KHDC1: variants seen among roughly 807,000 people sequenced by gnomAD.
The protein encoded by KHDC1 is KH domain containing 1.
In KHDC1, 21 loss-of-function variants were observed where a neutral mutation model predicts 24.7. That is an observed-to-expected ratio of 0.85 (90% CI 0.60 to 1.23). The LOEUF (loss-of-function observed/expected upper bound fraction) is 1.23. KHDC1 is among the 50% of genes most tolerant of loss of function. The pLI is 0.00. For synonymous variants in KHDC1, 98 were observed against 111.7 expected (o/e 0.88, Z 0.77); for missense variants, 274 against 298.5 (o/e 0.92, Z 0.61).
At chr6:73,256,909 T>C (rs1052232735) in intron 2 of KHDC1, among the ~76,000 whole-genome samples, 2 of 152,216 alleles carry the variant, frequency 1.3e-5, no homozygotes, top group Non-Finnish European at 2.9e-5. Context: ...AAGTAAGTTA[T>C]CTAGAGGTGC....
intron 2 of KHDC1, among the ~76,000 whole-genome samples, chr6:73,281,574 G>A (rs191548915): frequency 8.8e-4 from 130 of 147,084 alleles, no homozygotes; most frequent in Non-Finnish European, 1.6e-3. Flanking sequence ...CCAAGATCGC[G>A]CCATTGCACT....
chr6:73,308,374 G>C (rs769092183), intron 1 of KHDC1, among the ~76,000 whole-genome samples: 61 of 151,808 alleles, frequency 4.0e-4, no homozygotes, highest in Non-Finnish European at 8.1e-4. Flanking sequence ...ACGCCCTGCT[G>C]CAATTTTTGT....
chr6:73,293,531 G>A (rs571138632), intron 1 of KHDC1, among the ~76,000 whole-genome samples: 2 of 152,302 alleles, frequency 1.3e-5, no homozygotes, highest in African/African-American at 2.4e-5. Context: ...CATGATCCCC[G>A]CACTTTGGGA....
chr6:73,279,575 A>ATTTTT (rs560281126), intron 2 of KHDC1, among the ~76,000 whole-genome samples: 4 of 98,306 alleles, frequency 4.1e-5, no homozygotes, highest in African/African-American at 1.1e-4. Flanking sequence ...GGGACCATGG[A>ATTTTT]TTTTTTTTTT....
At chr6:73,253,838 T>C (rs1766827046) in intron 2 of KHDC1, among the ~76,000 whole-genome samples, 1 of 152,068 alleles carries the variant, frequency 6.6e-6, no homozygotes, top group Non-Finnish European at 1.5e-5. Context: ...GCCCAGGAAT[T>C]TGAGGCTGCT....
chr6:73,259,311 G>A (rs6908621), intron 2 of KHDC1, among the ~76,000 whole-genome samples: 5,099 of 90,286 alleles, frequency 0.056, 124 homozygotes, highest in African/African-American at 0.071. Context: ...TTTTTGAGAC[G>A]GAGTCTCGCT....
At chr6:73,268,558 G>C (rs370245448) in intron 2 of KHDC1, 11 of 152,190 alleles carry the variant, frequency 7.2e-5, no homozygotes, top group African/African-American at 2.2e-4. Flanking sequence ...TGGACAGGGC[G>C]CTGAATGGTG....
Position 73,281,348 on chromosome 6 carries a change from C to A in KHDC1, c.206+10650G>T, listed in dbSNP as rs372864411. Among the ~76,000 whole-genome samples, 399 of 138,116 alleles carry A rather than the reference C, an allele frequency of 2.9e-3. 1 individual carries two copies. Among genetic ancestry groups the A allele is most frequent in the African/African-American group, 9.9e-3 (368 of 37,040 alleles). 90.6% of individuals were successfully genotyped at this position (138,116 alleles called of 152,430 possible). On this transcript the variant is annotated intron_variant, in intron 2 of 4. Transcript: ENST00000370384. ...AACGAGACTCTCTCAAAAAAAAAAA[C>A]AAAAAACCACCTGGGTGCAGTGGGT... is the stretch of plus-strand genomic sequence containing the variant.
At chr6:73,252,012 A>C (rs1376017162) in intron 2 of KHDC1, among the ~76,000 whole-genome samples, 1 of 150,342 alleles carries the variant, frequency 6.7e-6, no homozygotes, top group Non-Finnish European at 1.5e-5. Flanking sequence ...CGTGAGCCAC[A>C]GGGCCCAGGC....
At chr6:73,247,300 T>C (rs546832536) in intron 2 of KHDC1, among the ~76,000 whole-genome samples, 14 of 152,162 alleles carry the variant, frequency 9.2e-5, no homozygotes, top group African/African-American at 2.9e-4. Context: ...AATAGAGTAG[T>C]AGTGGTTGAA....
chr6:73,269,414 T>G (rs1347863721), intron 2 of KHDC1: 3 of 153,348 alleles, frequency 2.0e-5, no homozygotes, highest in Admixed American at 1.3e-4. Flanking sequence ...CTGTGAGGAC[T>G]GCCAGCACGC....
exon 1 of KHDC1, chr6:73,309,730 T>C (rs1213032189): frequency 1.3e-6 from 2 of 1,549,432 alleles, no homozygotes; most frequent in Non-Finnish European, 1.7e-6. Flanking sequence ...GTTTCTGGCC[T>C]GGGAAAGTAA....
chr6:73,272,427 G>A (rs565497270), intron 2 of KHDC1, among the ~76,000 whole-genome samples: 17 of 151,548 alleles, frequency 1.1e-4, no homozygotes, highest in Admixed American at 6.6e-5. Flanking sequence ...GAGCCACCGC[G>A]CCCAGCCCTC....
intron 2 of KHDC1, among the ~76,000 whole-genome samples, chr6:73,244,380 C>T (rs1218091634): frequency 6.6e-6 from 1 of 151,928 alleles, no homozygotes; most frequent in East Asian, 1.9e-4. Context: ...ACTAACACTG[C>T]AAGGAGAGAT....
At chr6:73,306,332 C>G (rs2150757271) in intron 1 of KHDC1, among the ~76,000 whole-genome samples, 1 of 152,194 alleles carries the variant, frequency 6.6e-6, no homozygotes, top group East Asian at 1.9e-4. Context: ...CACCCGACAC[C>G]CCGAGTAATT....
chr6:73,264,649 G>A (rs567013129), intron 2 of KHDC1, among the ~76,000 whole-genome samples: 2 of 152,314 alleles, frequency 1.3e-5, no homozygotes, highest in East Asian at 3.9e-4. Context: ...TGGCAAGCCT[G>A]GGCCAGAGGC....
intron 1 of KHDC1, chr6:73,292,999 T>C: frequency 1.0e-6 from 1 of 994,248 alleles, no homozygotes. Flanking sequence ...GTATCAGCAT[T>C]AACATGTTGG....
chr6:73,292,753 T>C (rs1384396317), intron 1 of KHDC1: 2 of 730,218 alleles, frequency 2.7e-6, no homozygotes, highest in East Asian at 5.3e-5. Context: ...TTCGAAAACG[T>C]TGGCAGGTGC....
chr6:73,296,012 G>A (rs1582586592), intron 1 of KHDC1, among the ~76,000 whole-genome samples: 1 of 148,796 alleles, frequency 6.7e-6, no homozygotes, highest in Non-Finnish European at 1.5e-5. Flanking sequence ...CATGGTGGCA[G>A]GCACCTGTAA....
Sources: allele counts gnomAD v4.1 joint callset (sites outside exome capture counted in the v4.1 genomes callset), GRCh38; gene constraint gnomAD v4.1.1; transcripts MANE v1.5; gene names NCBI Gene and HGNC (gene_info 2026-07-23, HGNC 2026-07-21).